Variants in ZNF804B observed in about 807,000 individuals in gnomAD.
ZNF804B encodes zinc finger protein 804B.
Under a neutral mutation model 101.4 loss-of-function variants are expected in ZNF804B, and 80 were observed. The observed-to-expected ratio is 0.79, with a 90% CI of 0.66 to 0.95. The LOEUF is 0.95. Ranked by LOEUF, ZNF804B falls within the 40% of genes least tolerant of loss-of-function variation. The pLI, the probability that ZNF804B is intolerant of heterozygous loss-of-function variation, is 0.00. For synonymous variants in ZNF804B, 622 were observed against 558.8 expected, an observed-to-expected ratio of 1.11 and a Z score of -1.59; for missense variants, 1,673 against 1,561.9, an observed-to-expected ratio of 1.07 and a Z score of -1.20.
chr7:89,171,409 C>T (rs1383370532), intron 1 of ZNF804B, among the ~76,000 whole-genome samples: 2 of 108,580 alleles, frequency 1.8e-5, no homozygotes, highest in Non-Finnish European at 2.1e-5. Flanking sequence ...TCTTCTTCTT[C>T]TTCTTCTTCT....
In ZNF804B at chr7:88,904,622, T is replaced by A. The variant is rs531900768; in HGVS notation, c.108+144538T>A. Among the ~76,000 whole-genome samples, 6 of 152,338 alleles carry A rather than the reference T, an allele frequency of 3.9e-5. No homozygotes were observed. The East Asian group carries it at 7.7e-4, about 20-fold the overall frequency. On this transcript the variant is annotated intron_variant, in intron 1 of 3. Transcript: ENST00000333190. ...TTATTTATTTGTGTCATCTCTGATT[T>A]CTTTCAGCAGTCTTTTGTAGTCCCT...
intron 1 of ZNF804B, among the ~76,000 whole-genome samples, chr7:88,945,738 C>T (rs767748771): frequency 6.6e-6 from 1 of 152,042 alleles, no homozygotes; most frequent in Non-Finnish European, 1.5e-5. Flanking sequence ...AATATTTTTC[C>T]ATTTGTTTGT....
intron 2 of ZNF804B, among the ~76,000 whole-genome samples, chr7:89,268,196 A>T (rs752009354): frequency 6.6e-6 from 1 of 152,150 alleles, no homozygotes; most frequent in Non-Finnish European, 1.5e-5. Context: ...ACATTATTCA[A>T]TGCTGTATTT....
In ZNF804B at chr7:88,937,728, G is replaced by T. The variant is rs1379047496; in HGVS notation, c.108+177644G>T. Among the ~76,000 whole-genome samples, 6 of 152,004 alleles carry T rather than the reference G, an allele frequency of 3.9e-5. No individual in the cohort carries two copies. The East Asian group carries it at 1.2e-3, about 29-fold the overall frequency. ...GACATAGTGGCAAACAATGTTTTCAGAAAAGAAAAATCAATATGTGTGCAC... is the reference window on the plus strand; with the variant it reads ...GACATAGTGGCAAACAATGTTTTCATAAAAGAAAAATCAATATGTGTGCAC... On this transcript the variant is annotated intron_variant, in intron 1 of 3. Coordinates refer to ENST00000333190, the MANE Select transcript of ZNF804B (RefSeq NM_181646.5).
intron 1 of ZNF804B, among the ~76,000 whole-genome samples, chr7:88,892,962 G>T (rs1286575179): frequency 6.6e-6 from 1 of 152,078 alleles, no homozygotes; most frequent in African/African-American, 2.4e-5. Flanking sequence ...TTCTCCCATT[G>T]TCTTCCTATC....
At chr7:88,832,341 A>G (rs1270489879) in intron 1 of ZNF804B, among the ~76,000 whole-genome samples, 1 of 152,036 alleles carries the variant, frequency 6.6e-6, no homozygotes, top group Admixed American at 6.6e-5. Context: ...TAAAACACAT[A>G]CTGAATGTTT....
At chr7:89,081,243 A>C (rs1193751370) in intron 1 of ZNF804B, among the ~76,000 whole-genome samples, 1 of 151,834 alleles carries the variant, frequency 6.6e-6, no homozygotes, top group Non-Finnish European at 1.5e-5. Context: ...GAAAATAATA[A>C]TTAGAATTGA....
chr7:89,263,886 C>T (rs1471487254), intron 2 of ZNF804B, among the ~76,000 whole-genome samples: 3 of 152,022 alleles, frequency 2.0e-5, no homozygotes, highest in Non-Finnish European at 4.4e-5. Context: ...TTCTGGCTGC[C>T]GGGCTATGAA....
At chr7:89,283,605 A>G (rs1790132428) in intron 2 of ZNF804B, among the ~76,000 whole-genome samples, 1 of 152,114 alleles carries the variant, frequency 6.6e-6, no homozygotes, top group Non-Finnish European at 1.5e-5. Flanking sequence ...TTCACATTGT[A>G]CTCGGCTTTG....
At chr7:88,856,630 C>T (rs1791563829) in intron 1 of ZNF804B, among the ~76,000 whole-genome samples, 1 of 152,116 alleles carries the variant, frequency 6.6e-6, no homozygotes, top group Admixed American at 6.6e-5. Flanking sequence ...CTGGCTAGAA[C>T]TTCCAACACT....
intron 1 of ZNF804B, among the ~76,000 whole-genome samples, chr7:89,010,924 T>C (rs566184539): frequency 1.3e-5 from 2 of 152,336 alleles, no homozygotes; most frequent in East Asian, 3.9e-4. Context: ...AAAGAGTTAA[T>C]TTATTATTGG....
intron 1 of ZNF804B, among the ~76,000 whole-genome samples, chr7:88,902,340 C>T (rs1157723095): frequency 6.6e-6 from 1 of 151,952 alleles, no homozygotes; most frequent in East Asian, 1.9e-4. Flanking sequence ...CCAAAGCATT[C>T]AAATTAATAC....
intron 1 of ZNF804B, among the ~76,000 whole-genome samples, chr7:88,886,219 GA>G (rs1415631199): frequency 6.6e-6 from 1 of 152,062 alleles, no homozygotes; most frequent in African/African-American, 2.4e-5. Context: ...ATGGTAGATG[GA>G]TTAGGGATGA....
chr7:89,070,028 A>G (rs1789512646), intron 1 of ZNF804B, among the ~76,000 whole-genome samples: 1 of 152,118 alleles, frequency 6.6e-6, no homozygotes, highest in Non-Finnish European at 1.5e-5. Context: ...AAGGGTGTAA[A>G]GGTTTTATTT....
At chr7:88,798,616 C>T (rs577572075) in intron 1 of ZNF804B, among the ~76,000 whole-genome samples, 4 of 152,100 alleles carry the variant, frequency 2.6e-5, no homozygotes, top group African/African-American at 9.6e-5. Context: ...GCTTCATTGT[C>T]ACATGGCTAT....
intron 1 of ZNF804B, among the ~76,000 whole-genome samples, chr7:89,156,913 G>A (rs17399498): frequency 0.2 from 31,014 of 151,952 alleles, 3,415 homozygotes; most frequent in Non-Finnish European, 0.23. Context: ...AGAAAGATTC[G>A]GAACTTGATA....
intron 2 of ZNF804B, among the ~76,000 whole-genome samples, chr7:89,292,210 AT>A (rs1790308190): frequency 6.6e-6 from 1 of 152,184 alleles, no homozygotes; most frequent in Admixed American, 6.5e-5. Flanking sequence ...ATGTGAAGGT[AT>A]AAAACTCACT....
Position 89,335,380 on chromosome 7 carries a change from A to T in ZNF804B, c.2398A>T (p.Arg800Ter). Residue 800 changes from arginine to a stop codon, truncating the protein, a stop_gained, in exon 4 of 4, where the codon AGA (arginine) becomes TGA (stop). Transcript: ENST00000333190. LOFTEE classifies it high-confidence loss of function. ...TAAAAATGAAAAATACTCAAAACGT[A>T]GATATTGTCACTGCAGAGAAAGACA... ...SFKNEKYSKRRYCHCRERQKL... is the reference protein window; with the variant it reads ...SFKNEKYSKR The T allele has an allele frequency of 1.2e-6, 2 of 1,613,806 alleles. No individual in the cohort carries two copies. The highest frequency in any genetic ancestry group is 1.7e-6 in the Non-Finnish European group (2 of 1,179,936).
At chr7:89,269,130 T>C (rs927654560) in intron 2 of ZNF804B, among the ~76,000 whole-genome samples, 1 of 152,128 alleles carries the variant, frequency 6.6e-6, no homozygotes, top group East Asian at 1.9e-4. Flanking sequence ...TTGTTATATA[T>C]GTATACATGT....
Sources: gnomAD v4.1 joint callset for allele counts (sites outside exome capture counted in the v4.1 genomes callset) on GRCh38, gnomAD v4.1.1 for gene constraint, MANE v1.5 for transcripts, NCBI Gene and HGNC (gene_info 2026-07-23, HGNC 2026-07-21) for gene names.